The following RUNX1 variants were observed in gnomAD, a reference collection of about 807,000 sequenced individuals.
RUNX1 encodes runt-related transcription factor 1.
In RUNX1, 19 loss-of-function variants were observed where a neutral mutation model predicts 42.8. The ratio of observed to expected loss-of-function variants is 0.44; its 90% CI spans 0.31 to 0.65. The LOEUF (loss-of-function observed/expected upper bound fraction) is 0.65, where lower values mean the gene tolerates loss of function less well. Among genes scored for constraint, RUNX1 ranks in the 30% least tolerant of loss-of-function variants. RUNX1 has a pLI of 0.07. For synonymous variants in RUNX1, 271 were observed against 289.4 expected (o/e 0.94, Z 0.64); for missense variants, 528 against 672.0 (o/e 0.79, Z 2.37).
chr21:35,001,006 G>T (rs1230187956), intron 2 of RUNX1, among the ~76,000 whole-genome samples: 1 of 152,100 alleles, frequency 6.6e-6, no homozygotes, highest in Non-Finnish European at 1.5e-5. Flanking sequence ...GTCCTCTATG[G>T]CAATTGCAGT....
intron 7 of RUNX1, among the ~76,000 whole-genome samples, chr21:34,808,101 GAGTC>G (rs1461506666): frequency 2.0e-5 from 3 of 152,206 alleles, no homozygotes; most frequent in African/African-American, 7.2e-5. Flanking sequence ...ATGATAACAT[GAGTC>G]AGTCAGCACC....
intron 6 of RUNX1, among the ~76,000 whole-genome samples, chr21:34,837,001 CTTTG>C (rs960723937): frequency 1.3e-5 from 2 of 152,108 alleles, no homozygotes; most frequent in African/African-American, 2.4e-5. Flanking sequence ...TTGTTTGTTT[CTTTG>C]TTTTTTATTT....
At chr21:35,028,265 G>T (rs562515541) in intron 2 of RUNX1, among the ~76,000 whole-genome samples, 1 of 152,294 alleles carries the variant, frequency 6.6e-6, no homozygotes, top group South Asian at 2.1e-4. Flanking sequence ...CTCAGGGTGG[G>T]TGCCGGGAAC....
At chr21:34,889,790 C>T (rs2058057165) in intron 3 of RUNX1, 2 of 1,138,346 alleles carry the variant, frequency 1.8e-6, no homozygotes, top group Non-Finnish European at 2.2e-6. Context: ...CTGCCAACTC[C>T]GACCCCGCCC....
chr21:35,038,464 C>T (rs1232337290), intron 2 of RUNX1: 1 of 453,936 alleles, frequency 2.2e-6, no homozygotes, highest in South Asian at 1.6e-5. Context: ...TGAGCAGAGA[C>T]ATGACAGCAG....
chr21:34,959,219 CA>C (rs199674526), intron 2 of RUNX1, among the ~76,000 whole-genome samples: 2,508 of 143,408 alleles, frequency 0.017, 39 homozygotes, highest in African/African-American at 0.046. Flanking sequence ...AAGACATATC[CA>C]AAAAAAAAAA....
intron 2 of RUNX1, among the ~76,000 whole-genome samples, chr21:34,981,844 G>A (rs1055534945): frequency 3.9e-5 from 6 of 152,046 alleles, no homozygotes; most frequent in Non-Finnish European, 7.4e-5. Context: ...CTACAAAATG[G>A]TTCTGAGACC....
At position 34,909,571 on chromosome 21, in the gene RUNX1, A is replaced by G. The variant is rs550306529; in HGVS notation, c.59-16608T>C. On this transcript the variant is annotated intron_variant, in intron 2 of 8. Transcript: ENST00000675419. ...CACAGAGTATCACTTTCTTATACAGACCAGGTCACTGTTCCTCAAAAAAAA... is the reference window on the plus strand; with the variant it reads ...CACAGAGTATCACTTTCTTATACAGGCCAGGTCACTGTTCCTCAAAAAAAA... Among the ~76,000 whole-genome samples the G allele has an allele frequency of 4.6e-5, 6 of 131,154 alleles. No homozygotes were observed. The South Asian group carries it at 1.4e-3, about 30-fold the overall frequency. The allele number at this position is 131,154 out of a possible 152,430, so 86.0% of individuals were successfully genotyped here.
At chr21:34,799,676 T>A (rs1235369458) in intron 7 of RUNX1, among the ~76,000 whole-genome samples, 1 of 152,198 alleles carries the variant, frequency 6.6e-6, no homozygotes, top group Non-Finnish European at 1.5e-5. Flanking sequence ...TTTCACCTGA[T>A]AACTATTCCT....
intron 2 of RUNX1, among the ~76,000 whole-genome samples, chr21:34,942,838 G>A (rs1355489376): frequency 6.6e-6 from 1 of 152,204 alleles, no homozygotes; most frequent in African/African-American, 2.4e-5. Flanking sequence ...TTTGTGTTAT[G>A]AGAGGAAAAG....
intron 5 of RUNX1, among the ~76,000 whole-genome samples, chr21:34,867,792 G>A (rs1038021373): frequency 1.3e-5 from 2 of 152,030 alleles, no homozygotes; most frequent in Admixed American, 6.5e-5. Flanking sequence ...CCCTGAATTC[G>A]CAGCCCCCTG....
At chr21:35,029,635 A>G (rs1601690039) in intron 2 of RUNX1, among the ~76,000 whole-genome samples, 1 of 152,130 alleles carries the variant, frequency 6.6e-6, no homozygotes, top group East Asian at 1.9e-4. Context: ...TACCATCCCA[A>G]TCACAGGCCT....
At chr21:34,836,244 C>A (rs1264015962) in intron 6 of RUNX1, among the ~76,000 whole-genome samples, 1 of 152,260 alleles carries the variant, frequency 6.6e-6, no homozygotes, top group Non-Finnish European at 1.5e-5. Flanking sequence ...GTCACGCAGG[C>A]TCAGCATGCA....
intron 2 of RUNX1, among the ~76,000 whole-genome samples, chr21:34,918,880 TG>T: frequency 6.6e-6 from 1 of 152,316 alleles, no homozygotes; most frequent in East Asian, 1.9e-4. Context: ...CACTCTAGCC[TG>T]GTGACAGAGT....
intron 2 of RUNX1, among the ~76,000 whole-genome samples, chr21:34,946,623 T>C (rs1409518650): frequency 6.6e-6 from 1 of 151,962 alleles, no homozygotes; most frequent in Admixed American, 6.6e-5. Flanking sequence ...CAACAGGTGG[T>C]TGATGAATCA....
intron 5 of RUNX1, among the ~76,000 whole-genome samples, chr21:34,870,362 A>G (rs1467698075): frequency 6.6e-6 from 1 of 152,226 alleles, no homozygotes; most frequent in Non-Finnish European, 1.5e-5. Context: ...TCAGGCTTAG[A>G]CAGGTCAAGT....
intron 2 of RUNX1, among the ~76,000 whole-genome samples, chr21:34,994,760 C>T (rs1016066573): frequency 2.0e-5 from 3 of 152,186 alleles, no homozygotes; most frequent in African/African-American, 7.2e-5. Flanking sequence ...GTATGTTAGA[C>T]TCATACACAT....
intron 2 of RUNX1, among the ~76,000 whole-genome samples, chr21:34,996,517 ATG>A (rs2058997704): frequency 6.6e-6 from 1 of 151,962 alleles, no homozygotes; most frequent in South Asian, 2.1e-4. Context: ...AGCCCACGAG[ATG>A]CTGGGGGTGT....
intron 7 of RUNX1, among the ~76,000 whole-genome samples, chr21:34,814,997 A>G (rs2056805993): frequency 6.6e-6 from 1 of 152,214 alleles, no homozygotes; most frequent in South Asian, 2.1e-4. Flanking sequence ...GAATCATCCT[A>G]TAGCTGACTG....
Sources: gnomAD v4.1 joint callset for allele counts (sites outside exome capture counted in the v4.1 genomes callset) on GRCh38, gnomAD v4.1.1 for gene constraint, MANE v1.5 for transcripts, NCBI Gene and HGNC (gene_info 2026-07-23, HGNC 2026-07-21) for gene names.